B3GALNT2: variants seen among roughly 807,000 people sequenced by gnomAD.
B3GALNT2 encodes beta-1,3-N-acetylgalactosaminyltransferase 2, also known as UDP-GalNAc:beta-1,3-N-acetylgalactosaminyltransferase 2.
In B3GALNT2, 53 loss-of-function variants were observed where a neutral mutation model predicts 61.1. The observed-to-expected ratio is 0.87, with a 90% CI of 0.70 to 1.09. The LOEUF (loss-of-function observed/expected upper bound fraction) is 1.09. Ranked by LOEUF, B3GALNT2 falls within the 50% of genes least tolerant of loss-of-function variation. B3GALNT2 has a pLI of 0.00. For missense variants in B3GALNT2, 544 were observed against 623.0 expected, an observed-to-expected ratio of 0.87 and a Z score of 1.35; for synonymous variants, 223 against 237.4, an observed-to-expected ratio of 0.94 and a Z score of 0.56.
rs1683005563 is a variant in B3GALNT2 at position 235,453,140 on chromosome 1, C to T, written c.1318G>A (p.Asp440Asn). 2 of 1,611,956 alleles carry T rather than the reference C, an allele frequency of 1.2e-6. No individual in the cohort carries two copies. Among genetic ancestry groups the T allele is most frequent in the Non-Finnish European group, 1.7e-6 (2 of 1,177,990 alleles). The stretch of plus-strand genomic sequence containing the variant: ...GCCATCCAGATGCCCATGCTTACAT[C>T]TTCACCCTATACATGGCCCATAAAG... ...SGRLKTYQGEDVSMGIWMAAI... is the reference protein window; with the variant it reads ...SGRLKTYQGENVSMGIWMAAI... Residue 440 changes from aspartate to asparagine, a missense_variant, in exon 11 of 12, where the codon GAT becomes AAT. Transcript: ENST00000366600.
rs79491446 is a variant in B3GALNT2 at position 235,479,764 on chromosome 1, C to A, written c.651+290G>T. The A allele has an allele frequency of 3.9e-3, 955 of 245,952 alleles. 10 individuals are homozygous for A. The highest frequency in any genetic ancestry group is 0.02 in the African/African-American group (893 of 45,220). 15.2% of individuals were successfully genotyped at this position (245,952 alleles called of 1,614,324 possible). A position where few individuals can be genotyped will look rare whatever the true frequency, so the allele number is the denominator to read the frequency against. ...CTTTCCATCAATCCACACCCAACAT[C>A]ATCCTTTGTCATTAAAACAATTGTG... On this transcript the variant is annotated intron_variant, in intron 5 of 11. Transcript: ENST00000366600.
intron 5 of B3GALNT2, among the ~76,000 whole-genome samples, chr1:235,474,974 TATATATATA>T (rs1156633889): frequency 0.011 from 384 of 34,768 alleles, 20 homozygotes; most frequent in African/African-American, 0.034. Context: ...TATATATATA[TATATATATA>T]TATATTTTTT....
Position 235,448,598 on chromosome 1 carries a change from G to A in B3GALNT2, c.*1608C>T. 1 of 1,417,648 alleles carries A rather than the reference G, an allele frequency of 7.1e-7. No individual in the cohort carries two copies. Among genetic ancestry groups the A allele is most frequent in the South Asian group, 1.1e-5 (1 of 87,076 alleles). The allele number at this position is 1,417,648 out of a possible 1,614,324, so 87.8% of individuals were successfully genotyped here. A position where few individuals can be genotyped will look rare whatever the true frequency, so the allele number is the denominator to read the frequency against. On this transcript the variant is annotated 3_prime_UTR_variant, in exon 12 of 12. Transcript: ENST00000366600. ...GCTACTGCCTGGGGACGGGGTGGGG[G>A]AAGAGTATGTGTAGCATGCTTTATC...
chr1:235,459,411 C>T lies in B3GALNT2; in HGVS notation c.842-625G>A, dbSNP rs531041506. 5.9e-5 allele frequency among the ~76,000 whole-genome samples: 9 copies of T among 152,136 alleles called. No homozygotes were observed. The East Asian group carries it at 1.7e-3, about 29-fold the overall frequency. On this transcript the variant is annotated intron_variant, in intron 7 of 11. Transcript: ENST00000366600. Reference sequence around the variant, plus strand: ...GCCGAGGGAGGAGAATCGCTTAAGCCCAGGAGTTTGAGATCACTCTAGGTT... The same window carrying T: ...GCCGAGGGAGGAGAATCGCTTAAGCTCAGGAGTTTGAGATCACTCTAGGTT...
chr1:235,453,585 T>C (rs1683029022), intron 10 of B3GALNT2, among the ~76,000 whole-genome samples: 1 of 151,904 alleles, frequency 6.6e-6, no homozygotes, highest in African/African-American at 2.4e-5. Flanking sequence ...TCCCAAGTAG[T>C]TGGGAATATA....
downstream of B3GALNT2, among the ~76,000 whole-genome samples, chr1:235,447,156 T>C (rs897428977): frequency 2.6e-5 from 4 of 152,326 alleles, no homozygotes; most frequent in East Asian, 1.9e-4. Context: ...AAAGAGCAAA[T>C]TGTTAATTAA....
rs774822889 is a variant in B3GALNT2, at chr1:235,448,708, G to C, written c.*1498C>G. 5 of 1,613,980 alleles carry C rather than the reference G, an allele frequency of 3.1e-6. No individual in the cohort carries two copies. Among genetic ancestry groups the C allele is most frequent in the South Asian group, 1.1e-5 (1 of 91,084 alleles). On this transcript the variant is annotated 3_prime_UTR_variant, in exon 12 of 12. Coordinates refer to ENST00000366600, the MANE Select transcript of B3GALNT2 (RefSeq NM_152490.5). Reference sequence around the variant, plus strand: ...AAATCGAGCTGGAAAATGACCTAAAGTCATTACAGTTTTATTCTGTGGAAA... The same window carrying C: ...AAATCGAGCTGGAAAATGACCTAAACTCATTACAGTTTTATTCTGTGGAAA...
At chr1:235,442,708 A>T, downstream of B3GALNT2, 1 of 726,062 alleles carries the variant, frequency 1.4e-6, no homozygotes, top group Non-Finnish European at 2.4e-6. Context: ...TGGAAGGATT[A>T]ATAGAAAGAA....
chr1:235,456,904 T>C (rs1683191713), intron 8 of B3GALNT2, among the ~76,000 whole-genome samples: 1 of 152,158 alleles, frequency 6.6e-6, no homozygotes. Flanking sequence ...AAGGAGGTTC[T>C]TTTTCTTACT....
chr1:235,444,152 T>TA (rs1157028663), downstream of B3GALNT2, among the ~76,000 whole-genome samples: 1 of 152,254 alleles, frequency 6.6e-6, no homozygotes, highest in Non-Finnish European at 1.5e-5. Context: ...GTATTGCTTA[T>TA]AGAAGGCCTT....
chr1:235,477,668 GTC>G (rs763975233), intron 5 of B3GALNT2, among the ~76,000 whole-genome samples: 11 of 152,100 alleles, frequency 7.2e-5, no homozygotes, highest in Admixed American at 2.0e-4. Flanking sequence ...CAGAATCCCT[GTC>G]CCTTTACCCA....
rs375451029 is a variant in B3GALNT2, at chr1:235,471,819, C to A, written c.652-859G>T. Among the ~76,000 whole-genome samples the A allele has an allele frequency of 1.1e-4, 17 of 152,300 alleles. 1 individual carries two copies. The South Asian group carries it at 2.9e-3, about 26-fold the overall frequency. On this transcript the variant is annotated intron_variant, in intron 5 of 11. Transcript: ENST00000366600. ...CTGGGATTACAGGCGCTCACTATCA[C>A]GCCCGGTTAATTTTTGGATATTTAG...
chr1:235,465,901 T>C (rs1683672010), intron 6 of B3GALNT2, 187 bp from the exon 7 acceptor site: 1 of 619,212 alleles, frequency 1.6e-6, no homozygotes, highest in Non-Finnish European at 2.7e-6. Flanking sequence ...TGTTATCTAA[T>C]TACAATACTA....
chr1:235,486,819 C>T (rs2102848852), intron 3 of B3GALNT2, among the ~76,000 whole-genome samples: 1 of 152,250 alleles, frequency 6.6e-6, no homozygotes, highest in Non-Finnish European at 1.5e-5. Flanking sequence ...TTGGAGGATA[C>T]ATCAGTGGAT....
At chr1:235,488,297 C>T (rs1012585391) in intron 3 of B3GALNT2, among the ~76,000 whole-genome samples, 3 of 152,016 alleles carry the variant, frequency 2.0e-5, no homozygotes, top group South Asian at 2.1e-4. Flanking sequence ...CTTCCAAACG[C>T]GTATGAATCA....
At chr1:235,454,028 G>T (rs964625293) in intron 10 of B3GALNT2, 128 bp downstream of exon 10, 1 of 757,486 alleles carries the variant, frequency 1.3e-6, no homozygotes, top group Non-Finnish European at 2.0e-6. Context: ...TTATAGAGAT[G>T]GGGTCTTGCT....
Position 235,448,292 on chromosome 1 carries a change from G to C in B3GALNT2, c.*1914C>G. On this transcript the variant is annotated 3_prime_UTR_variant, in exon 12 of 12. Transcript: ENST00000366600. ...TACTGTGGTCTCATCACATGAGCTA[G>C]TTTTACAGGTAACTGTCATTTGAGA... 7.1e-7 allele frequency: 1 copy of C among 1,400,966 alleles called. No individual in the cohort carries two copies. The highest frequency in any genetic ancestry group is 1.0e-6 in the Non-Finnish European group (1 of 988,994). 86.8% of individuals were successfully genotyped at this position (1,400,966 alleles called of 1,614,324 possible). A position where few individuals can be genotyped will look rare whatever the true frequency, so the allele number is the denominator to read the frequency against.
intron 6 of B3GALNT2, among the ~76,000 whole-genome samples, chr1:235,470,522 G>C (rs1203620437): frequency 1.4e-5 from 2 of 146,518 alleles, no homozygotes; most frequent in Non-Finnish European, 3.0e-5. Context: ...AGGCTGCAGT[G>C]AGCTGTGATC....
At chr1:235,503,665 G>A (rs1196800590) in intron 1 of B3GALNT2, among the ~76,000 whole-genome samples, 3 of 152,130 alleles carry the variant, frequency 2.0e-5, no homozygotes, top group East Asian at 1.9e-4. Flanking sequence ...AAGCAAAACC[G>A]AGCCACCTTT....
Sources: gnomAD v4.1 joint callset for allele counts (sites outside exome capture counted in the v4.1 genomes callset) on GRCh38, gnomAD v4.1.1 for gene constraint, MANE v1.5 for transcripts, NCBI Gene and HGNC (gene_info 2026-07-23, HGNC 2026-07-21) for gene names.